ADAM22: variants seen among roughly 807,000 people sequenced by gnomAD.
ADAM22 encodes the protein disintegrin and metalloproteinase domain-containing protein 22.
Under a neutral mutation model 144.6 loss-of-function variants are expected in ADAM22, and 65 were observed. That is an observed-to-expected ratio of 0.45 (90% confidence interval 0.37 to 0.55). ADAM22 has a LOEUF of 0.55. ADAM22 is among the 20% of genes least tolerant of loss of function. The pLI is 0.00. For missense variants in ADAM22, 974 were observed against 1,184.9 expected (o/e 0.82, Z 2.61); for synonymous variants, 391 against 412.6 (o/e 0.95, Z 0.63).
At chr7:88,014,927 G>C (rs1796224377) in intron 3 of ADAM22, among the ~76,000 whole-genome samples, 1 of 152,156 alleles carries the variant, frequency 6.6e-6, no homozygotes, top group South Asian at 2.1e-4. Flanking sequence ...AGTAGATCTG[G>C]TGGAGGAAGC....
intron 26 of ADAM22, among the ~76,000 whole-genome samples, chr7:88,172,767 A>G (rs575749851): frequency 7.2e-5 from 11 of 152,044 alleles, no homozygotes; most frequent in South Asian, 2.1e-4. Flanking sequence ...AAACTGGGAC[A>G]AAATTACAAT....
chr7:88,169,052 G>A (rs1189116202), intron 25 of ADAM22, among the ~76,000 whole-genome samples: 1 of 152,102 alleles, frequency 6.6e-6, no homozygotes, highest in African/African-American at 2.4e-5. Flanking sequence ...CCCACAGTAA[G>A]CACTATGTAA....
In ADAM22 at chr7:88,134,422, AAGTTTTAGTACATGTGTGGTT is replaced by A. The variant is rs777610146; in HGVS notation, c.1168+8_1168+28del. 2.8e-5 allele frequency: 45 copies of A among 1,594,898 alleles called. No homozygotes were observed. The highest frequency in any genetic ancestry group is 3.8e-5 in the Non-Finnish European group (44 of 1,165,448). ...AGACAAAAGAAAGTTAGCAAGTGGTAAGTTTTAGTACATGTGTGGTTAGTTGTATTTAAAATAGACTATTTG... is the reference window on the plus strand; with the variant it reads ...AGACAAAAGAAAGTTAGCAAGTGGTAAGTTGTATTTAAAATAGACTATTTG... On this transcript the variant is annotated splice_donor_5th_base_variant and intron_variant, in intron 13 of 31. Transcript: ENST00000413139.
At chr7:87,941,180 T>A (rs938314492) in intron 2 of ADAM22, among the ~76,000 whole-genome samples, 2 of 152,210 alleles carry the variant, frequency 1.3e-5, no homozygotes, top group African/African-American at 2.4e-5. Context: ...TTCCTCTGGC[T>A]CTTTCCCTAG....
intron 4 of ADAM22, among the ~76,000 whole-genome samples, chr7:88,094,368 T>C (rs1399870764): frequency 6.6e-6 from 1 of 152,176 alleles, no homozygotes; most frequent in Non-Finnish European, 1.5e-5. Flanking sequence ...TTTCAGGTAG[T>C]CAAATCAGCA....
chr7:87,954,097 A>G (rs554712610), intron 2 of ADAM22, among the ~76,000 whole-genome samples: 17 of 152,090 alleles, frequency 1.1e-4, no homozygotes, highest in African/African-American at 2.7e-4. Flanking sequence ...TCTTTATCCA[A>G]TTTGCCAGTC....
At chr7:88,043,767 G>C (rs1307163529) in intron 3 of ADAM22, among the ~76,000 whole-genome samples, 1 of 152,060 alleles carries the variant, frequency 6.6e-6, no homozygotes, top group Non-Finnish European at 1.5e-5. Context: ...ATTTGAATCA[G>C]TGAAAAAGCT....
At chr7:88,051,751 A>G (rs1001584001) in intron 3 of ADAM22, among the ~76,000 whole-genome samples, 2 of 151,610 alleles carry the variant, frequency 1.3e-5, no homozygotes, top group Admixed American at 6.6e-5. Flanking sequence ...ATTTTTTGCT[A>G]TTTCTTAACA....
chr7:87,954,792 G>T (rs1846218274), intron 2 of ADAM22, among the ~76,000 whole-genome samples: 1 of 152,204 alleles, frequency 6.6e-6, no homozygotes, highest in Non-Finnish European at 1.5e-5. Flanking sequence ...ATCAGACGCA[G>T]ATTTGGTCTT....
At chr7:87,985,292 G>T (rs1250373730) in intron 3 of ADAM22, among the ~76,000 whole-genome samples, 6 of 149,850 alleles carry the variant, frequency 4.0e-5, no homozygotes, top group Admixed American at 1.3e-4. Context: ...CATCCTGGGC[G>T]ACAGAGTGAG....
At chr7:88,137,387 C>A (rs1259851101) in intron 14 of ADAM22, among the ~76,000 whole-genome samples, 1 of 152,106 alleles carries the variant, frequency 6.6e-6, no homozygotes, top group African/African-American at 2.4e-5. Context: ...ATCTCCTTTT[C>A]CCCTACTATT....
At position 87,950,527 on chromosome 7, in the gene ADAM22, C is replaced by T. The variant is rs535001168; in HGVS notation, c.246+15341C>T. Among the ~76,000 whole-genome samples, 205 of 149,436 alleles carry T rather than the reference C, an allele frequency of 1.4e-3. 2 individuals carry two copies. Among genetic ancestry groups the T allele is most frequent in the African/African-American group, 4.9e-3 (195 of 39,846 alleles). On this transcript the variant is annotated intron_variant, in intron 2 of 31. Transcript: ENST00000413139. ...TGTATATGTGCCACATTTTCTTAAT[C>T]CAGTCTATCATTGTTGGACATTTGG...
chr7:88,127,323 G>T (rs1431211316), intron 8 of ADAM22, among the ~76,000 whole-genome samples: 2 of 151,802 alleles, frequency 1.3e-5, no homozygotes, highest in Non-Finnish European at 2.9e-5. Context: ...GAAAGCCATG[G>T]ACCCATAGAG....
chr7:88,165,693 A>G, intron 23 of ADAM22, 139 bp from the exon 24 acceptor site: 1 of 460,818 alleles, frequency 2.2e-6, no homozygotes, highest in Non-Finnish European at 3.8e-6. Flanking sequence ...AAATAATGTA[A>G]TTAGTATTAA....
chr7:87,981,325 A>G (rs1356678835), intron 3 of ADAM22, among the ~76,000 whole-genome samples: 1 of 152,164 alleles, frequency 6.6e-6, no homozygotes. Context: ...CAGATCCTGG[A>G]TGATCCAGTG....
chr7:88,037,030 G>A (rs1373663679), intron 3 of ADAM22, among the ~76,000 whole-genome samples: 11 of 152,080 alleles, frequency 7.2e-5, no homozygotes, highest in Non-Finnish European at 1.2e-4. Flanking sequence ...CATATTTGCT[G>A]ATGTTCCATA....
intron 25 of ADAM22, among the ~76,000 whole-genome samples, chr7:88,169,280 G>A (rs764178522): frequency 1.6e-4 from 25 of 151,978 alleles, no homozygotes; most frequent in African/African-American, 3.4e-4. Flanking sequence ...AATGAGTAGC[G>A]CAGAGAGCAT....
chr7:87,937,556 C>T (rs973376590), intron 2 of ADAM22, among the ~76,000 whole-genome samples: 6 of 152,220 alleles, frequency 3.9e-5, no homozygotes, highest in Non-Finnish European at 1.5e-5. Context: ...CTTGCCTTTT[C>T]TGTGTTGGTG....
intron 3 of ADAM22, among the ~76,000 whole-genome samples, chr7:88,019,411 G>A (rs1797235049): frequency 6.6e-6 from 1 of 152,144 alleles, no homozygotes; most frequent in Non-Finnish European, 1.5e-5. Flanking sequence ...GGAGGTGGAG[G>A]TTGCAGTGAG....
Sources: gnomAD v4.1 joint callset for allele counts (sites outside exome capture counted in the v4.1 genomes callset) on GRCh38, gnomAD v4.1.1 for gene constraint, MANE v1.5 for transcripts, NCBI Gene and HGNC (gene_info 2026-07-23, HGNC 2026-07-21) for gene names.